Variants in SOX6 observed in about 807,000 individuals in gnomAD.
The protein encoded by SOX6 is transcription factor SOX-6.
Under a neutral mutation model 97.8 loss-of-function variants are expected in SOX6, and 11 were observed. The observed-to-expected ratio is 0.11, with a 90% CI of 0.07 to 0.19. The LOEUF (loss-of-function observed/expected upper bound fraction) is 0.19. SOX6 is among the 10% of genes least tolerant of loss of function. The probability of loss-of-function intolerance (pLI) is 1.00; values close to 1 mark genes in which losing one functional copy is unlikely to be tolerated. For missense variants in SOX6, 810 were observed against 1,039.5 expected, an observed-to-expected ratio of 0.78 and a Z score of 3.04; for synonymous variants, 360 against 371.4, an observed-to-expected ratio of 0.97 and a Z score of 0.35.
chr11:16,055,398 G>A (rs529100045), intron 10 of SOX6, among the ~76,000 whole-genome samples: 115 of 152,086 alleles, frequency 7.6e-4, no homozygotes, highest in African/African-American at 2.7e-3. Flanking sequence ...TTAACTCCCT[G>A]CCTGTTTAAG....
chr11:16,347,668 T>G (rs761395273), intron 1 of SOX6, among the ~76,000 whole-genome samples: 1 of 152,130 alleles, frequency 6.6e-6, no homozygotes, highest in Non-Finnish European at 1.5e-5. Flanking sequence ...GAAGCCCAAG[T>G]ACAGGATATC....
intron 6 of SOX6, among the ~76,000 whole-genome samples, chr11:16,123,101 G>A (rs913389960): frequency 6.6e-6 from 1 of 152,004 alleles, no homozygotes; most frequent in Non-Finnish European, 1.5e-5. Context: ...ATCATTTAGA[G>A]ATGCCTCTAA....
chr11:16,684,078 C>T (rs1847950012), intron 3 of SOX6, among the ~76,000 whole-genome samples: 1 of 152,114 alleles, frequency 6.6e-6, no homozygotes, highest in African/African-American at 2.4e-5. Context: ...ATTAAAAAGT[C>T]AGGAAACAAC....
chr11:16,624,617 G>C (rs957802925), intron 3 of SOX6, among the ~76,000 whole-genome samples: 3 of 152,028 alleles, frequency 2.0e-5, no homozygotes, highest in African/African-American at 7.2e-5. Flanking sequence ...AAATGTTTTT[G>C]TAAACATGTT....
intron 3 of SOX6, among the ~76,000 whole-genome samples, chr11:16,240,878 C>T (rs1792468849): frequency 6.6e-6 from 1 of 152,034 alleles, no homozygotes; most frequent in Admixed American, 6.6e-5. Context: ...CAGTGCAGTG[C>T]TTGTTTTGCT....
At chr11:15,976,276 G>C (rs1395935490) in intron 15 of SOX6, among the ~76,000 whole-genome samples, 1 of 152,188 alleles carries the variant, frequency 6.6e-6, no homozygotes, top group African/African-American at 2.4e-5. Flanking sequence ...TTTGGAGTCA[G>C]AATGGCTTGG....
At chr11:16,049,257 G>A (rs183866494) in intron 11 of SOX6, among the ~76,000 whole-genome samples, 164 of 152,220 alleles carry the variant, frequency 1.1e-3, no homozygotes, top group African/African-American at 3.8e-3. Flanking sequence ...GGGAGTATAA[G>A]GAGCCAGACA....
intron 2 of SOX6, among the ~76,000 whole-genome samples, chr11:16,340,113 G>A (rs749995218): frequency 6.6e-6 from 1 of 151,908 alleles, no homozygotes; most frequent in Non-Finnish European, 1.5e-5. Flanking sequence ...CATCAAATAA[G>A]AATTTAAATA....
chr11:16,276,784 A>C (rs550596955), intron 3 of SOX6, among the ~76,000 whole-genome samples: 1 of 152,288 alleles, frequency 6.6e-6, no homozygotes, highest in East Asian at 1.9e-4. Flanking sequence ...CAGTGTGTTG[A>C]GTATTTTGTT....
intron 15 of SOX6, among the ~76,000 whole-genome samples, chr11:15,978,263 A>C (rs767316958): frequency 2.6e-5 from 4 of 151,864 alleles, no homozygotes; most frequent in Non-Finnish European, 1.5e-5. Context: ...GTCTTTCTTC[A>C]TTTCTTCTAC....
intron 3 of SOX6, among the ~76,000 whole-genome samples, chr11:16,707,001 T>C (rs1354502267): frequency 1.1e-4 from 16 of 152,164 alleles, no homozygotes; most frequent in Admixed American, 9.8e-4. Flanking sequence ...TACCTTTCCA[T>C]AATAGTGTTA....
In SOX6 at chr11:16,613,417, C is replaced by T. The variant is rs190037833; in HGVS notation, n.430-1157G>A. On this transcript the variant is annotated intron_variant and non_coding_transcript_variant, in intron 3 of 5. Transcript: ENST00000524520. The surrounding 1 kb of genome is among the most constrained non-coding windows in gnomAD (Gnocchi z 4.6). ...AGATTAGCAAATCTTCTACCGCTGG[C>T]GGCGGCAACCAGAGCCTCTGTCTTG... Among the ~76,000 whole-genome samples the T allele has an allele frequency of 2.0e-5, 3 of 152,018 alleles. No homozygotes were observed. The highest frequency in any genetic ancestry group is 2.1e-4 in the South Asian group (1 of 4,820).
intron 12 of SOX6, among the ~76,000 whole-genome samples, chr11:16,016,789 T>C (rs1054899299): frequency 6.6e-6 from 1 of 152,074 alleles, no homozygotes; most frequent in African/African-American, 2.4e-5. Context: ...ATTTCAAATA[T>C]TTGCATGTGA....
intron 4 of SOX6, among the ~76,000 whole-genome samples, chr11:16,485,687 T>A: frequency 6.8e-6 from 1 of 147,058 alleles, no homozygotes; most frequent in East Asian, 2.0e-4. Context: ...GCCGAGATCT[T>A]GCCACTGCAC....
intron 13 of SOX6, among the ~76,000 whole-genome samples, chr11:16,000,869 A>G (rs980389042): frequency 1.3e-5 from 2 of 151,774 alleles, no homozygotes; most frequent in Admixed American, 1.3e-4. Flanking sequence ...TTATTTATTT[A>G]TTTTTGAGAC....
rs182564066 is a variant in SOX6 at position 16,649,159 on chromosome 11, G to C, written n.430-36899C>G. Reference sequence around the variant, plus strand: ...AACCTAAGAATAATTGGTATTCCTGGAGAAGAAAATAAATCTAGAAGTTTG... The same window carrying C: ...AACCTAAGAATAATTGGTATTCCTGCAGAAGAAAATAAATCTAGAAGTTTG... On this transcript the variant is annotated intron_variant and non_coding_transcript_variant, in intron 3 of 5. Coordinates refer to the SOX6 transcript ENST00000524520. Among the ~76,000 whole-genome samples the C allele has an allele frequency of 2.2e-4, 34 of 152,246 alleles. 1 individual carries two copies. In the East Asian group the frequency reaches 6.0e-3, roughly 27 times the overall value.
intron 12 of SOX6, among the ~76,000 whole-genome samples, chr11:16,038,558 A>G (rs1855576009): frequency 6.6e-6 from 1 of 152,198 alleles, no homozygotes; most frequent in Admixed American, 6.6e-5. Context: ...GAGGTTGAAT[A>G]TTAAATCATT....
At chr11:16,384,621 A>T (rs1857922513) in intron 1 of SOX6, among the ~76,000 whole-genome samples, 1 of 151,920 alleles carries the variant, frequency 6.6e-6, no homozygotes, top group Non-Finnish European at 1.5e-5. Context: ...CAACTCTAGG[A>T]AAACATAGAA....
At chr11:16,718,197 A>G (rs1005820573) in intron 2 of SOX6, among the ~76,000 whole-genome samples, 4 of 151,364 alleles carry the variant, frequency 2.6e-5, no homozygotes, top group Non-Finnish European at 5.9e-5. Flanking sequence ...CCCATCCTCA[A>G]TCCCCCAATA....
Sources: gnomAD v4.1 joint callset for allele counts (sites outside exome capture counted in the v4.1 genomes callset) on GRCh38, gnomAD v4.1.1 for gene constraint, Gnocchi (gnomAD v3.1) non-coding constraint, MANE v1.5 for transcripts, NCBI Gene and HGNC (gene_info 2026-07-23, HGNC 2026-07-21) for gene names.